The following PRKN variants were observed in gnomAD, a reference collection of about 807,000 sequenced individuals.
The protein encoded by PRKN is E3 ubiquitin-protein ligase parkin.
PRKN carries 56 observed loss-of-function variants against 59.5 expected under a neutral mutation model. The observed-to-expected ratio is 0.94, with a 90% CI of 0.76 to 1.18. The LOEUF (loss-of-function observed/expected upper bound fraction) is 1.18, where lower values mean the gene tolerates loss of function less well. PRKN is among the 50% of genes most tolerant of loss of function. PRKN has a pLI of 0.00. For synonymous variants in PRKN, 250 were observed against 222.1 expected (o/e 1.13, Z -1.12); for missense variants, 657 against 596.4 (o/e 1.10, Z -1.06).
Position 162,625,698 on chromosome 6 carries a change from ATG to A in PRKN, c.7+101962_7+101963del, listed in dbSNP as rs750285926. Among the ~76,000 whole-genome samples the A allele has an allele frequency of 2.7e-3, 404 of 151,326 alleles. 1 individual carries two copies. Among genetic ancestry groups the A allele is most frequent in the African/African-American group, 4.5e-3 (185 of 41,300 alleles). ...GTATGTGTGTGTATCATGTATATAT[ATG>A]TGTGTGTGTGTGTATATATATATAA... On this transcript the variant is annotated intron_variant, in intron 1 of 11. Coordinates refer to ENST00000366898, the MANE Select transcript of PRKN (RefSeq NM_004562.3).
chr6:161,929,871 A>G (rs535459376), intron 6 of PRKN, among the ~76,000 whole-genome samples: 1 of 152,292 alleles, frequency 6.6e-6, no homozygotes, highest in South Asian at 2.1e-4. Flanking sequence ...GCCCAAGAAT[A>G]ATGTCTGCAA....
At position 161,352,767 on chromosome 6, in the gene PRKN, A is replaced by AT. The variant is rs1477609421; in HGVS notation, c.1286-2557dup. Among the ~76,000 whole-genome samples, 1 of 113,386 alleles carries AT rather than the reference A, an allele frequency of 8.8e-6. No homozygotes were observed. The highest frequency in any genetic ancestry group is 2.0e-5 in the Non-Finnish European group (1 of 49,208). 74.4% of individuals were successfully genotyped at this position (113,386 alleles called of 152,430 possible). A position where few individuals can be genotyped will look rare whatever the true frequency, so the allele number is the denominator to read the frequency against. ...TGTGTGTGTGTGTGTATATATATATATATATTTTATTTTATTTTATTTTAT... is the reference window on the plus strand; with the variant it reads ...TGTGTGTGTGTGTGTATATATATATATTATATTTTATTTTATTTTATTTTAT... On this transcript the variant is annotated intron_variant, in intron 11 of 11. Coordinates refer to ENST00000366898, the MANE Select transcript of PRKN (RefSeq NM_004562.3). This position sits in a 1 kb window ranked among gnomAD's most constrained non-coding sequence, Gnocchi z 5.8.
intron 1 of PRKN, among the ~76,000 whole-genome samples, chr6:162,673,295 G>A (rs1041009691): frequency 1.3e-5 from 2 of 152,162 alleles, no homozygotes; most frequent in East Asian, 1.9e-4. Context: ...CAGAGGACAC[G>A]GTCAACAAGT....
chr6:162,000,081 T>C (rs947577492), intron 5 of PRKN, among the ~76,000 whole-genome samples: 5 of 152,138 alleles, frequency 3.3e-5, no homozygotes, highest in Non-Finnish European at 4.4e-5. Context: ...GTTTTGGCAA[T>C]TATGAATAAA....
chr6:162,461,974 G>A (rs28360518), intron 1 of PRKN, among the ~76,000 whole-genome samples: 19,133 of 152,128 alleles, frequency 0.13, 1,426 homozygotes, highest in East Asian at 0.28. Context: ...ACAGGTTAAA[G>A]ACACAGTTTA....
At chr6:161,574,123 T>A (rs570483322) in intron 7 of PRKN, among the ~76,000 whole-genome samples, 79 of 152,104 alleles carry the variant, frequency 5.2e-4, no homozygotes, top group Admixed American at 1.8e-3. Context: ...GGCGGCAAGA[T>A]ATTTAAGAAG....
At chr6:162,514,588 A>G (rs1230922971) in intron 1 of PRKN, among the ~76,000 whole-genome samples, 1 of 152,192 alleles carries the variant, frequency 6.6e-6, no homozygotes, top group Non-Finnish European at 1.5e-5. Context: ...ACACAGCACA[A>G]AAAGATAAAT....
chr6:161,886,726 C>G (rs907865493), intron 6 of PRKN, among the ~76,000 whole-genome samples: 11 of 118,502 alleles, frequency 9.3e-5, no homozygotes, highest in Non-Finnish European at 1.6e-4. Context: ...CATAAAATAA[C>G]ATAAAATAAA....
intron 1 of PRKN, among the ~76,000 whole-genome samples, chr6:162,445,257 G>A (rs1185753241): frequency 1.3e-5 from 2 of 152,170 alleles, no homozygotes; most frequent in Admixed American, 6.5e-5. Context: ...AATAATAAAC[G>A]AAGGCACAGG....
At chr6:162,527,256 G>C (rs761657407) in intron 1 of PRKN, among the ~76,000 whole-genome samples, 9 of 152,180 alleles carry the variant, frequency 5.9e-5, no homozygotes, top group Non-Finnish European at 1.3e-4. Context: ...ACAGCTCAGA[G>C]CAAGACCGAC....
At chr6:161,889,360 C>T (rs905500321) in intron 6 of PRKN, among the ~76,000 whole-genome samples, 1 of 151,898 alleles carries the variant, frequency 6.6e-6, no homozygotes, top group African/African-American at 2.4e-5. Flanking sequence ...GCCCAGATGT[C>T]CCTTATTGAG....
intron 7 of PRKN, among the ~76,000 whole-genome samples, chr6:161,609,697 A>T (rs1042108477): frequency 2.0e-5 from 3 of 152,086 alleles, no homozygotes; most frequent in African/African-American, 7.2e-5. Context: ...AAAACAAAAA[A>T]CCCTAAGAAA....
At chr6:161,921,865 T>C (rs1778798146) in intron 6 of PRKN, among the ~76,000 whole-genome samples, 1 of 152,198 alleles carries the variant, frequency 6.6e-6, no homozygotes, top group Non-Finnish European at 1.5e-5. Context: ...TAGCACAGGA[T>C]AGGCTGACAA....
intron 1 of PRKN, among the ~76,000 whole-genome samples, chr6:162,670,288 C>T (rs1454046465): frequency 6.6e-6 from 1 of 152,178 alleles, no homozygotes; most frequent in Non-Finnish European, 1.5e-5. Flanking sequence ...ATGACAATAA[C>T]AAGAAAATGA....
intron 5 of PRKN, among the ~76,000 whole-genome samples, chr6:162,046,394 G>C (rs1784251402): frequency 6.6e-6 from 1 of 152,218 alleles, no homozygotes; most frequent in Admixed American, 6.5e-5. Flanking sequence ...ATCATCAAGT[G>C]TAAAAAACAG....
intron 2 of PRKN, among the ~76,000 whole-genome samples, chr6:162,380,492 C>T (rs369730882): frequency 2.5e-4 from 6 of 23,772 alleles, no homozygotes; most frequent in African/African-American, 9.6e-4. Context: ...TGTATATATA[C>T]ACACATATAT....
At position 161,533,712 on chromosome 6, in the gene PRKN, T is replaced by C. The variant is rs373773814; in HGVS notation, c.1083+15142A>G. Among the ~76,000 whole-genome samples, 1 of 152,052 alleles carries C rather than the reference T, an allele frequency of 6.6e-6. No individual in the cohort carries two copies. The highest frequency in any genetic ancestry group is 6.6e-5 in the Admixed American group (1 of 15,210). On this transcript the variant is annotated intron_variant, in intron 9 of 11. Coordinates refer to ENST00000366898, the MANE Select transcript of PRKN (RefSeq NM_004562.3). This position sits in a 1 kb window ranked among gnomAD's most constrained non-coding sequence, Gnocchi z 4.1. ...TGGGATCTGCCACCTTAACCCTTTT[T>C]TTCAGACATCTCTCTCTCTTGCAAG...
intron 6 of PRKN, among the ~76,000 whole-genome samples, chr6:161,903,447 G>C (rs926515469): frequency 6.6e-6 from 1 of 152,160 alleles, no homozygotes; most frequent in Non-Finnish European, 1.5e-5. Context: ...ACTTCGCGAA[G>C]GCAAAGAAAA....
At chr6:162,437,525 G>A (rs1789837024) in intron 2 of PRKN, among the ~76,000 whole-genome samples, 1 of 152,086 alleles carries the variant, frequency 6.6e-6, no homozygotes, top group Non-Finnish European at 1.5e-5. Context: ...CACAGAGGAC[G>A]GCCGTCACCA....
Sources: allele counts gnomAD v4.1 joint callset (sites outside exome capture counted in the v4.1 genomes callset), GRCh38; gene constraint gnomAD v4.1.1; non-coding constraint Gnocchi (gnomAD v3.1); transcripts MANE v1.5; gene names NCBI Gene and HGNC (gene_info 2026-07-23, HGNC 2026-07-21).